The following C8orf34 variants were observed in gnomAD, a reference collection of about 807,000 sequenced individuals.
The protein encoded by C8orf34 is chromosome 8 open reading frame 34.
C8orf34 carries 65 observed loss-of-function variants against 68.3 expected under a neutral mutation model. That is an observed-to-expected ratio of 0.95 (90% confidence interval 0.78 to 1.17). The LOEUF is 1.17. Ranked by LOEUF, C8orf34 falls within the 50% of genes most tolerant of loss-of-function variation. C8orf34 has a pLI of 0.00. For synonymous variants in C8orf34, 244 were observed against 241.2 expected (o/e 1.01, Z -0.11); for missense variants, 664 against 655.4 (o/e 1.01, Z -0.14).
intron 3 of C8orf34, among the ~76,000 whole-genome samples, chr8:68,455,105 G>T (rs537750157): frequency 6.6e-6 from 1 of 152,112 alleles, no homozygotes; most frequent in Non-Finnish European, 1.5e-5. Context: ...TGTTGTCAGA[G>T]AAGATACTTG....
intron 5 of C8orf34, among the ~76,000 whole-genome samples, chr8:68,514,986 G>A (rs1266582817): frequency 6.6e-6 from 1 of 152,148 alleles, no homozygotes; most frequent in African/African-American, 2.4e-5. Context: ...GAACAGATAT[G>A]AGTCAGAATG....
At position 68,813,979 on chromosome 8, in the gene C8orf34, A is replaced by G. The variant is rs1414093255; in HGVS notation, c.1550-1907A>G. ...ATAGCATCCAACTCTAAAGTCTTAC[A>G]TTACTGTAATCTGCTATCTGTCACA... is the stretch of plus-strand genomic sequence containing the variant. On this transcript the variant is annotated intron_variant, in intron 12 of 13. Coordinates refer to ENST00000518698, the MANE Select transcript of C8orf34 (RefSeq NM_052958.4). 2.6e-5 allele frequency among the ~76,000 whole-genome samples: 4 copies of G among 152,188 alleles called. No individual in the cohort carries two copies. In the South Asian group the frequency reaches 6.2e-4, roughly 24 times the overall value.
At chr8:68,516,672 T>C (rs1814532842) in intron 5 of C8orf34, among the ~76,000 whole-genome samples, 1 of 140,508 alleles carries the variant, frequency 7.1e-6, no homozygotes, top group Admixed American at 6.9e-5. Context: ...AGATGGAGTC[T>C]CTTTGTCACC....
intron 7 of C8orf34, 93 bp downstream of exon 7, chr8:68,533,242 C>G: frequency 6.9e-7 from 1 of 1,455,778 alleles, no homozygotes; most frequent in Non-Finnish European, 9.0e-7. Flanking sequence ...TTTGAATAGC[C>G]TTGTCTTAGG....
chr8:68,649,180 A>G (rs1220085975), intron 8 of C8orf34, among the ~76,000 whole-genome samples: 1 of 152,200 alleles, frequency 6.6e-6, no homozygotes, highest in Non-Finnish European at 1.5e-5. Flanking sequence ...TCCCAGGCCT[A>G]GAGGTGTAAA....
At chr8:68,404,220 G>T (rs558547750) in intron 1 of C8orf34, among the ~76,000 whole-genome samples, 33 of 152,150 alleles carry the variant, frequency 2.2e-4, no homozygotes, top group African/African-American at 2.2e-4. Flanking sequence ...TTTTGATAGG[G>T]TCGTTTGTTT....
chr8:68,516,835 T>C (rs1586301037), intron 5 of C8orf34, among the ~76,000 whole-genome samples: 3 of 151,738 alleles, frequency 2.0e-5, no homozygotes, highest in South Asian at 4.2e-4. Flanking sequence ...AGAGATGGGG[T>C]TTCACAATGT....
intron 5 of C8orf34, among the ~76,000 whole-genome samples, chr8:68,519,831 A>G (rs994401054): frequency 8.5e-5 from 13 of 152,202 alleles, no homozygotes; most frequent in Non-Finnish European, 1.5e-4. Context: ...TAGTTGGAGA[A>G]AATGAAATTC....
intron 1 of C8orf34, among the ~76,000 whole-genome samples, chr8:68,348,253 G>T (rs148056781): frequency 6.6e-6 from 1 of 151,872 alleles, no homozygotes; most frequent in African/African-American, 2.4e-5. Flanking sequence ...TGTCAGCTTT[G>T]TCAAAGATAA....
At chr8:68,698,021 G>T (rs376521573) in intron 8 of C8orf34, among the ~76,000 whole-genome samples, 67 of 151,868 alleles carry the variant, frequency 4.4e-4, no homozygotes, top group African/African-American at 1.6e-3. Flanking sequence ...CAACTCAGTG[G>T]GGTTTTCCGG....
intron 10 of C8orf34, among the ~76,000 whole-genome samples, chr8:68,758,464 T>C (rs60537301): frequency 0.43 from 64,864 of 151,962 alleles, 14,794 homozygotes; most frequent in African/African-American, 0.57. Context: ...TCTGCAGTGG[T>C]CTTGGCTGGG....
intron 1 of C8orf34, among the ~76,000 whole-genome samples, chr8:68,340,220 T>C (rs750371688): frequency 3.9e-5 from 6 of 152,106 alleles, no homozygotes; most frequent in Non-Finnish European, 1.5e-5. Context: ...TTATTTCTAG[T>C]AGCCCCAAAT....
chr8:68,431,003 C>T (rs888585463), intron 1 of C8orf34, among the ~76,000 whole-genome samples: 4 of 152,050 alleles, frequency 2.6e-5, no homozygotes, highest in African/African-American at 9.7e-5. Context: ...AGATATTGTC[C>T]TACCAACTTT....
At chr8:68,546,155 A>G (rs1815871695) in intron 7 of C8orf34, among the ~76,000 whole-genome samples, 1 of 152,104 alleles carries the variant, frequency 6.6e-6, no homozygotes, top group Non-Finnish European at 1.5e-5. Flanking sequence ...CTAAGGAGGA[A>G]CTAATGCACA....
At chr8:68,455,052 T>C (rs1241005507) in intron 3 of C8orf34, among the ~76,000 whole-genome samples, 1 of 152,274 alleles carries the variant, frequency 6.6e-6, no homozygotes, top group East Asian at 1.9e-4. Context: ...TATTTGTGAA[T>C]TTCCCATTTT....
At chr8:68,445,693 T>G (rs1811091685) in intron 2 of C8orf34, among the ~76,000 whole-genome samples, 1 of 152,186 alleles carries the variant, frequency 6.6e-6, no homozygotes, top group Admixed American at 6.5e-5. Flanking sequence ...TACTGAAATG[T>G]TTATTTTTAT....
chr8:68,731,152 C>A (rs944341708), intron 10 of C8orf34, among the ~76,000 whole-genome samples: 6 of 152,102 alleles, frequency 3.9e-5, no homozygotes, highest in African/African-American at 1.2e-4. Context: ...CCCACAAGGG[C>A]ATTTCCTTTA....
At chr8:68,358,737 G>A (rs1032506839) in intron 1 of C8orf34, among the ~76,000 whole-genome samples, 3 of 150,404 alleles carry the variant, frequency 2.0e-5, no homozygotes, top group Admixed American at 6.6e-5. Context: ...ACAGAGTCTC[G>A]CTCTGTCACT....
rs148646738 is a variant in C8orf34 at position 68,441,314 on chromosome 8, T to A, written c.475+1668T>A. ...GCAGAACTAATTTTCTGCAGCTATA[T>A]GGCTGAGGTCCCTATTTTCTGACTG... On this transcript the variant is annotated intron_variant, in intron 2 of 13. Coordinates refer to ENST00000518698, the MANE Select transcript of C8orf34 (RefSeq NM_052958.4). Among the ~76,000 whole-genome samples the A allele has an allele frequency of 4.8e-3, 735 of 152,258 alleles. 10 individuals carry two copies. The highest frequency in any genetic ancestry group is 0.017 in the African/African-American group (704 of 41,548).
Sources: allele counts gnomAD v4.1 joint callset (sites outside exome capture counted in the v4.1 genomes callset), GRCh38; gene constraint gnomAD v4.1.1; transcripts MANE v1.5; gene names NCBI Gene and HGNC (gene_info 2026-07-23, HGNC 2026-07-21).